SGCZ: variants seen among roughly 807,000 people sequenced by gnomAD.
SGCZ encodes sarcoglycan zeta.
Under a neutral mutation model 41.3 loss-of-function variants are expected in SGCZ, and 40 were observed. The observed-to-expected ratio is 0.97, with a 90% CI of 0.75 to 1.26. The LOEUF (loss-of-function observed/expected upper bound fraction) is 1.26. Among genes scored for constraint, SGCZ ranks in the 50% most tolerant of loss-of-function variants. The pLI is 0.00. For synonymous variants in SGCZ, 206 were observed against 137.5 expected, an observed-to-expected ratio of 1.50 and a Z score of -3.49; for missense variants, 552 against 369.8, an observed-to-expected ratio of 1.49 and a Z score of -4.04.
At chr8:15,054,677 G>C (rs940142426) in intron 1 of SGCZ, among the ~76,000 whole-genome samples, 2 of 152,026 alleles carry the variant, frequency 1.3e-5, no homozygotes, top group Middle Eastern at 3.4e-3. Context: ...TTTTGTAGCC[G>C]GGCGCAGTGG....
intron 2 of SGCZ, among the ~76,000 whole-genome samples, chr8:14,498,883 C>A (rs1486398843): frequency 1.3e-5 from 2 of 151,002 alleles, no homozygotes; most frequent in African/African-American, 4.9e-5. Flanking sequence ...GTCTTAGTTT[C>A]AGGACATTTC....
intron 1 of SGCZ, among the ~76,000 whole-genome samples, chr8:14,777,441 C>G (rs1315816864): frequency 6.6e-6 from 1 of 152,050 alleles, no homozygotes; most frequent in Non-Finnish European, 1.5e-5. Context: ...AACAAATTAC[C>G]ACAGTTTAAG....
chr8:14,470,170 C>A (rs772870982), intron 2 of SGCZ, among the ~76,000 whole-genome samples: 3 of 151,984 alleles, frequency 2.0e-5, no homozygotes, highest in Non-Finnish European at 2.9e-5. Context: ...GTGTCCACTA[C>A]TTTATATGTG....
intron 1 of SGCZ, among the ~76,000 whole-genome samples, chr8:14,673,502 G>A (rs1195062485): frequency 6.6e-6 from 1 of 151,892 alleles, no homozygotes; most frequent in Admixed American, 6.6e-5. Flanking sequence ...TGAAGTAGGT[G>A]CCTGCTTCCC....
intron 1 of SGCZ, among the ~76,000 whole-genome samples, chr8:15,069,746 A>G (rs1805284516): frequency 6.6e-6 from 1 of 152,184 alleles, no homozygotes; most frequent in Non-Finnish European, 1.5e-5. Flanking sequence ...ATCCCAGAGA[A>G]CTCATTTCTC....
intron 2 of SGCZ, among the ~76,000 whole-genome samples, chr8:14,447,965 C>T (rs1800480761): frequency 1.3e-5 from 2 of 152,078 alleles, no homozygotes; most frequent in African/African-American, 2.4e-5. Context: ...GCTCTAAGAG[C>T]CCAAACGGAA....
chr8:14,251,205 G>A (rs996585411), intron 3 of SGCZ, among the ~76,000 whole-genome samples: 1 of 152,090 alleles, frequency 6.6e-6, no homozygotes, highest in Non-Finnish European at 1.5e-5. Context: ...TCCAGTCTGG[G>A]CAACAGAGCG....
chr8:15,003,762 A>G lies in SGCZ; in HGVS notation c.39+233823T>C, dbSNP rs1434529040. ...CTTCCAGAGTGGTTCCAGAGAACTAATTTTTTGGCAAGAATGTAACCCCTT... is the reference window on the plus strand; with the variant it reads ...CTTCCAGAGTGGTTCCAGAGAACTAGTTTTTTGGCAAGAATGTAACCCCTT... On this transcript the variant is annotated intron_variant, in intron 1 of 7. Coordinates refer to ENST00000382080, the MANE Select transcript of SGCZ (RefSeq NM_139167.4). 2.0e-5 allele frequency among the ~76,000 whole-genome samples: 3 copies of G among 152,122 alleles called. No homozygotes were observed. In the East Asian group the frequency reaches 5.8e-4, roughly 29 times the overall value.
At chr8:15,073,556 G>A (rs986746119) in intron 1 of SGCZ, among the ~76,000 whole-genome samples, 3 of 152,184 alleles carry the variant, frequency 2.0e-5, no homozygotes, top group African/African-American at 7.2e-5. Context: ...TTTTAGATGT[G>A]ATTAACATTT....
intron 2 of SGCZ, among the ~76,000 whole-genome samples, chr8:14,495,132 C>A (rs1947709): frequency 0.51 from 77,686 of 151,860 alleles, 20,316 homozygotes; most frequent in African/African-American, 0.61. Context: ...CAGTACCAAG[C>A]GCTTGTAGAG....
intron 1 of SGCZ, among the ~76,000 whole-genome samples, chr8:15,234,230 T>C (rs1205814669): frequency 1.3e-5 from 2 of 152,170 alleles, no homozygotes; most frequent in African/African-American, 4.8e-5. Context: ...AAGCTAGCAG[T>C]TAAATCTCGA....
intron 1 of SGCZ, among the ~76,000 whole-genome samples, chr8:14,986,823 T>C (rs1801839897): frequency 6.6e-6 from 1 of 151,908 alleles, no homozygotes; most frequent in African/African-American, 2.4e-5. Flanking sequence ...TGTTATCTAT[T>C]TGAGTTTTCC....
chr8:14,299,174 G>C (rs1053483511), intron 3 of SGCZ, among the ~76,000 whole-genome samples: 1 of 151,958 alleles, frequency 6.6e-6, no homozygotes, highest in Non-Finnish European at 1.5e-5. Flanking sequence ...CAACTAAATT[G>C]AAATGGTTGA....
intron 2 of SGCZ, among the ~76,000 whole-genome samples, chr8:14,473,041 G>C (rs937010403): frequency 1.3e-5 from 2 of 152,014 alleles, no homozygotes; most frequent in African/African-American, 4.8e-5. Context: ...CATTTCATGG[G>C]TCTTGCTAAT....
chr8:14,865,797 A>G (rs751141960), intron 1 of SGCZ, among the ~76,000 whole-genome samples: 9 of 152,130 alleles, frequency 5.9e-5, no homozygotes, highest in African/African-American at 1.2e-4. Context: ...CTAGCTAATT[A>G]AAGGAATTCT....
At chr8:14,882,437 A>G (rs1211120457) in intron 1 of SGCZ, among the ~76,000 whole-genome samples, 1 of 152,226 alleles carries the variant, frequency 6.6e-6, no homozygotes, top group African/African-American at 2.4e-5. Context: ...TCTAGTTAAT[A>G]TAAAATTATT....
At position 15,000,262 on chromosome 8, in the gene SGCZ, T is replaced by G. The variant is rs114689404; in HGVS notation, c.39+237323A>C. On this transcript the variant is annotated intron_variant, in intron 1 of 7. Transcript: ENST00000382080. ...CCTTTAGAACTCTGAGGAAAATATT[T>G]CTGTTGTTTAAGCTACTCAGTCTTT... 6.5e-3 allele frequency among the ~76,000 whole-genome samples: 996 copies of G among 152,222 alleles called. 8 individuals carry two copies. The highest frequency in any genetic ancestry group is 0.022 in the African/African-American group (934 of 41,526).
At chr8:14,558,780 T>A (rs1804117187) in intron 1 of SGCZ, among the ~76,000 whole-genome samples, 1 of 152,012 alleles carries the variant, frequency 6.6e-6, no homozygotes, top group African/African-American at 2.4e-5. Flanking sequence ...ATCAAAAAGA[T>A]AATTCACCAT....
chr8:14,675,417 A>T (rs1563195558), intron 1 of SGCZ, among the ~76,000 whole-genome samples: 1 of 152,140 alleles, frequency 6.6e-6, no homozygotes, highest in Non-Finnish European at 1.5e-5. Context: ...TGTAATTCAC[A>T]TATTAAATAC....
Sources: allele counts gnomAD v4.1 joint callset (sites outside exome capture counted in the v4.1 genomes callset), GRCh38; gene constraint gnomAD v4.1.1; transcripts MANE v1.5; gene names NCBI Gene and HGNC (gene_info 2026-07-23, HGNC 2026-07-21).